Variants in TTC23L observed in about 807,000 individuals in gnomAD.
TTC23L encodes the protein tetratricopeptide repeat protein 23-like.
TTC23L carries 42 observed loss-of-function variants against 48.1 expected under a neutral mutation model. That is an observed-to-expected ratio of 0.87 (90% CI 0.68 to 1.13). TTC23L has a LOEUF of 1.13. TTC23L is among the 50% of genes most tolerant of loss of function. The pLI is 0.00. For synonymous variants in TTC23L, 159 were observed against 157.2 expected (o/e 1.01, Z -0.09); for missense variants, 391 against 421.0 (o/e 0.93, Z 0.62).
chr5:34,901,119 A>C (rs960715266), downstream of TTC23L, among the ~76,000 whole-genome samples: 2 of 152,224 alleles, frequency 1.3e-5, no homozygotes, highest in Admixed American at 6.5e-5. Flanking sequence ...CAAATGATAA[A>C]ATAGACTAGT....
In TTC23L at chr5:34,864,068, G is replaced by A. The variant is rs115245104; in HGVS notation, c.537-369G>A. ...AATGACCCAGAAAGTTCCTTTCAGC[G>A]TAATTAGTTCCTCTCTTTTACCATT... On this transcript the variant is annotated intron_variant, in intron 5 of 10. Coordinates refer to ENST00000505624, the Ensembl canonical transcript of TTC23L. Among the ~76,000 whole-genome samples, 1,157 of 152,280 alleles carry A rather than the reference G, an allele frequency of 7.6e-3. 9 individuals are homozygous for A. The highest frequency in any genetic ancestry group is 0.012 in the Non-Finnish European group (786 of 68,012).
At chr5:34,918,404 C>G in the TTC23L span, 1 of 1,599,592 alleles carries the variant, frequency 6.3e-7, no homozygotes, top group Non-Finnish European at 8.6e-7. Context: ...ATCTTTTCTT[C>G]CAGAGGAATA....
Position 34,863,513 on chromosome 5 carries a change from TGA to T in TTC23L, c.536+463_536+464del, listed in dbSNP as rs2150398095. Among the ~76,000 whole-genome samples the T allele has an allele frequency of 6.6e-6, 1 of 152,298 alleles. No homozygotes were observed. The highest frequency in any genetic ancestry group is 2.1e-4 in the South Asian group (1 of 4,818). On this transcript the variant is annotated intron_variant, in intron 5 of 10. Transcript: ENST00000505624. The surrounding 1 kb of genome is among the most constrained non-coding windows in gnomAD (Gnocchi z 4.1). ...CTGTTCCTGCCCCAAAGATTTTGAC[TGA>T]GAGGCTCTGAGGTACATCTGTTCAT...
At chr5:34,889,011 A>G (rs1762697836) in intron 9 of TTC23L, among the ~76,000 whole-genome samples, 1 of 152,208 alleles carries the variant, frequency 6.6e-6, no homozygotes, top group African/African-American at 2.4e-5. Flanking sequence ...AAATGTTTAG[A>G]ATTTAAGTCA....
At chr5:34,888,038 G>A (rs1288150599) in intron 9 of TTC23L, among the ~76,000 whole-genome samples, 1 of 152,142 alleles carries the variant, frequency 6.6e-6, no homozygotes, top group Non-Finnish European at 1.5e-5. Flanking sequence ...TTTGGAGATG[G>A]GACCTTTAGA....
chr5:34,895,117 A>C (rs893958496), intron 9 of TTC23L, among the ~76,000 whole-genome samples: 6 of 152,214 alleles, frequency 3.9e-5, no homozygotes, highest in South Asian at 2.1e-4. Flanking sequence ...TTTACTCATT[A>C]TCTCTCAAAA....
the TTC23L span, chr5:34,922,558 G>A: frequency 1.2e-6 from 2 of 1,609,350 alleles, no homozygotes; most frequent in Non-Finnish European, 8.5e-7. Flanking sequence ...TTCACCTCAC[G>A]GACCATCTGC....
At chr5:34,869,747 T>C (rs1206388885) in intron 8 of TTC23L, 2 of 152,228 alleles carry the variant, frequency 1.3e-5, no homozygotes, top group Non-Finnish European at 2.9e-5. Flanking sequence ...TATTTTCCAG[T>C]TAGAGAGAGG....
chr5:34,923,074 A>T, the TTC23L span: 2 of 1,567,944 alleles, frequency 1.3e-6, no homozygotes, highest in East Asian at 2.2e-5. Flanking sequence ...AAAATTAGCT[A>T]TCCAAAATAT....
chr5:34,876,523 T>C (rs1761841651), intron 8 of TTC23L, among the ~76,000 whole-genome samples: 1 of 152,158 alleles, frequency 6.6e-6, no homozygotes. Flanking sequence ...TAGGTCAATC[T>C]TTCATGAAAG....
chr5:34,887,281 C>T (rs1388125898), intron 9 of TTC23L, among the ~76,000 whole-genome samples: 1 of 152,020 alleles, frequency 6.6e-6, no homozygotes, highest in Non-Finnish European at 1.5e-5. Flanking sequence ...AGCATGAACA[C>T]GCGGATGACA....
intron 4 of TTC23L, among the ~76,000 whole-genome samples, chr5:34,859,138 T>TAA (rs1328300858): frequency 6.6e-6 from 1 of 152,178 alleles, no homozygotes; most frequent in Non-Finnish European, 1.5e-5. Flanking sequence ...GGGGTGGTTT[T>TAA]TAGTAGCTCC....
At chr5:34,925,243 A>G in the TTC23L span, 1 of 1,599,158 alleles carries the variant, frequency 6.3e-7, no homozygotes, top group Non-Finnish European at 8.5e-7. Flanking sequence ...GTGTCATAAG[A>G]TCCATCACAG....
intron 9 of TTC23L, chr5:34,888,469 A>T: frequency 1.0e-6 from 1 of 985,322 alleles, no homozygotes; most frequent in Non-Finnish European, 1.2e-6. Context: ...TGATGATTCA[A>T]ATCTTTGTAT....
intron 8 of TTC23L, among the ~76,000 whole-genome samples, chr5:34,870,356 A>G (rs916283462): frequency 2.6e-5 from 4 of 152,172 alleles, no homozygotes; most frequent in Non-Finnish European, 5.9e-5. Context: ...AAAAAGGTCT[A>G]AAGTTTCTAT....
At chr5:34,866,517 C>T (rs1478573179) in intron 6 of TTC23L, among the ~76,000 whole-genome samples, 2 of 151,916 alleles carry the variant, frequency 1.3e-5, no homozygotes, top group African/African-American at 4.8e-5. Context: ...CAAAACAAAG[C>T]AAAAACTTTC....
At chr5:34,869,965 A>G (rs1761340779) in intron 8 of TTC23L, 1 of 152,078 alleles carries the variant, frequency 6.6e-6, no homozygotes. Flanking sequence ...TATTCACAGT[A>G]TATATTCTCC....
At chr5:34,881,408 A>G (rs1404665069) in intron 9 of TTC23L, among the ~76,000 whole-genome samples, 1 of 152,224 alleles carries the variant, frequency 6.6e-6, no homozygotes, top group Non-Finnish European at 1.5e-5. Flanking sequence ...TGAACTTTAT[A>G]TATTCACTGC....
chr5:34,843,052 T>C (rs113218170), intron 2 of TTC23L, among the ~76,000 whole-genome samples: 3,217 of 152,300 alleles, frequency 0.021, 106 homozygotes, highest in African/African-American at 0.072. Context: ...AAGTGATCCA[T>C]GCACCTCGGC....
Sources: gnomAD v4.1 joint callset for allele counts (sites outside exome capture counted in the v4.1 genomes callset) on GRCh38, gnomAD v4.1.1 for gene constraint, Gnocchi (gnomAD v3.1) non-coding constraint, MANE v1.5 for transcripts, NCBI Gene and HGNC (gene_info 2026-07-23, HGNC 2026-07-21) for gene names.